Variants in SLC44A5 observed in about 807,000 individuals in gnomAD.
SLC44A5 encodes solute carrier family 44 member 5, also known as choline transporter-like protein 5.
A neutral mutation model predicts 101.8 loss-of-function variants in SLC44A5; 57 were observed. That is an observed-to-expected ratio of 0.56 (90% CI 0.45 to 0.70). SLC44A5 has a LOEUF of 0.70. Ranked by LOEUF, SLC44A5 falls within the 30% of genes least tolerant of loss-of-function variation. The pLI, the probability that SLC44A5 is intolerant of heterozygous loss-of-function variation, is 0.00. For missense variants in SLC44A5, 737 were observed against 853.1 expected, an observed-to-expected ratio of 0.86 and a Z score of 1.70; for synonymous variants, 281 against 290.9, an observed-to-expected ratio of 0.97 and a Z score of 0.35.
chr1:75,385,904 A>G (rs1194188212), intron 3 of SLC44A5, among the ~76,000 whole-genome samples: 1 of 152,162 alleles, frequency 6.6e-6, no homozygotes, highest in African/African-American at 2.4e-5. Context: ...CTGGTTCAAT[A>G]TACGCAAATC....
intron 3 of SLC44A5, among the ~76,000 whole-genome samples, chr1:75,384,077 T>A (rs184116469): frequency 0.09 from 13,501 of 149,822 alleles, 818 homozygotes; most frequent in Admixed American, 0.19. Context: ...GGAAAGGAAC[T>A]ACCGGTACCA....
chr1:75,658,915 A>G, the SLC44A5 span, among the ~76,000 whole-genome samples: 2 of 152,076 alleles, frequency 1.3e-5, no homozygotes, highest in Non-Finnish European at 2.9e-5. Flanking sequence ...AGACTCAAAG[A>G]AATAAAATCA....
chr1:75,627,912 G>T, the SLC44A5 span, among the ~76,000 whole-genome samples: 2 of 147,542 alleles, frequency 1.4e-5, no homozygotes, highest in African/African-American at 5.0e-5. Flanking sequence ...AGTTGAAAGA[G>T]AATTTATAGT....
the SLC44A5 span, among the ~76,000 whole-genome samples, chr1:75,629,221 A>G: frequency 1.3e-5 from 2 of 152,026 alleles, no homozygotes; most frequent in Admixed American, 6.6e-5. Context: ...TTCCCAGAAG[A>G]TAAGAGAGAG....
At chr1:75,477,805 G>A (rs1667528902) in intron 2 of SLC44A5, among the ~76,000 whole-genome samples, 1 of 152,134 alleles carries the variant, frequency 6.6e-6, no homozygotes, top group South Asian at 2.1e-4. Context: ...CGGGGAGAAT[G>A]GAACCAAGTT....
intron 2 of SLC44A5, among the ~76,000 whole-genome samples, chr1:75,489,997 C>G (rs1668349838): frequency 6.6e-6 from 1 of 151,770 alleles, no homozygotes; most frequent in Admixed American, 6.6e-5. Context: ...CACTAAAATT[C>G]ACACTAATTA....
At position 75,549,597 on chromosome 1, in the gene SLC44A5, T is replaced by C. The variant is rs543843504; in HGVS notation, c.-69-8081A>G. 3.9e-5 allele frequency among the ~76,000 whole-genome samples: 6 copies of C among 152,086 alleles called. No homozygotes were observed. The East Asian group carries it at 1.2e-3, about 29-fold the overall frequency. The stretch of plus-strand genomic sequence containing the variant: ...AGGTGCAGATGGTAGGAATGAAAAA[T>C]AGTTATACTTTAATTCCTGACCTTA... On this transcript the variant is annotated intron_variant, in intron 1 of 23. Coordinates refer to ENST00000370859, the MANE Select transcript of SLC44A5 (RefSeq NM_001130058.2).
intron 3 of SLC44A5, among the ~76,000 whole-genome samples, chr1:75,392,871 G>A (rs1661886027): frequency 1.3e-5 from 2 of 152,170 alleles, no homozygotes; most frequent in African/African-American, 2.4e-5. Flanking sequence ...TGTAGGTGGA[G>A]GCCATCATCC....
chr1:75,543,027 A>G (rs1286678237), intron 1 of SLC44A5, among the ~76,000 whole-genome samples: 1 of 152,176 alleles, frequency 6.6e-6, no homozygotes, highest in Non-Finnish European at 1.5e-5. Context: ...AAGTTTGACA[A>G]TTACTGCAAA....
chr1:75,453,178 T>C (rs975408872), intron 2 of SLC44A5, among the ~76,000 whole-genome samples: 5 of 151,992 alleles, frequency 3.3e-5, no homozygotes, highest in African/African-American at 9.7e-5. Context: ...ACTGAACTCA[T>C]ACTTTATCTC....
rs372222819 is a variant in SLC44A5, at chr1:75,217,978, G to A, written c.1530-18C>T. 1.5e-5 allele frequency: 23 copies of A among 1,487,628 alleles called. No homozygotes were observed. The African/African-American group carries it at 2.2e-4, about 14-fold the overall frequency. The allele number at this position is 1,487,628 out of a possible 1,614,324, so 92.2% of individuals were successfully genotyped here. On this transcript the variant is annotated intron_variant, in intron 17 of 23. Transcript: ENST00000370859. ...TGTGATATCTGCACAAAAATAAAAT[G>A]AGAATAAGTTAAAACTTAATACTAT... is the stretch of plus-strand genomic sequence containing the variant.
chr1:75,242,092 A>G, intron 8 of SLC44A5, 31 bp from the exon 9 acceptor site: 3 of 1,575,536 alleles, frequency 1.9e-6, no homozygotes, highest in Non-Finnish European at 2.6e-6. Context: ...TTAACATTTC[A>G]AAGGCCATGT....
rs749452976 is a variant in SLC44A5 at position 75,241,966 on chromosome 1, T to C, written c.532+35A>G. Reference sequence around the variant, plus strand: ...CTTAATTAAGTAGCATTTTGGTAGATCCTATGTTTCTAAGGTAAAATAGTT... The same window carrying C: ...CTTAATTAAGTAGCATTTTGGTAGACCCTATGTTTCTAAGGTAAAATAGTT... On this transcript the variant is annotated intron_variant, in intron 9 of 23. Transcript: ENST00000370859. 5.1e-6 allele frequency: 8 copies of C among 1,561,204 alleles called. No individual in the cohort carries two copies. The Admixed American group carries it at 1.3e-4, about 26-fold the overall frequency.
intron 12 of SLC44A5, among the ~76,000 whole-genome samples, chr1:75,231,326 ATTTCC>A (rs1557552533): frequency 6.6e-6 from 1 of 151,976 alleles, no homozygotes; most frequent in Admixed American, 6.6e-5. Flanking sequence ...TTTGGAGGAG[ATTTCC>A]TTTATTTCCT....
At chr1:75,260,768 C>G (rs1650427876) in intron 6 of SLC44A5, among the ~76,000 whole-genome samples, 2 of 152,002 alleles carry the variant, frequency 1.3e-5, no homozygotes, top group African/African-American at 4.8e-5. Context: ...GACCACATAA[C>G]TGGAAGTAAA....
chr1:75,406,797 A>C (rs545039428), intron 2 of SLC44A5, among the ~76,000 whole-genome samples: 132 of 152,320 alleles, frequency 8.7e-4, no homozygotes, highest in Non-Finnish European at 1.7e-3. Flanking sequence ...GAAAACCAGC[A>C]CAAGACAAGG....
intron 2 of SLC44A5, among the ~76,000 whole-genome samples, chr1:75,412,134 G>T (rs1663320715): frequency 6.6e-6 from 1 of 152,060 alleles, no homozygotes; most frequent in South Asian, 2.1e-4. Flanking sequence ...CAGAGACATA[G>T]TATTATTTTC....
At chr1:75,573,538 C>T (rs1673199213) in intron 1 of SLC44A5, among the ~76,000 whole-genome samples, 1 of 152,082 alleles carries the variant, frequency 6.6e-6, no homozygotes, top group South Asian at 2.1e-4. Flanking sequence ...TATCAATGCA[C>T]AGATAAATGA....
At chr1:75,445,132 A>G (rs574312164) in intron 2 of SLC44A5, among the ~76,000 whole-genome samples, 1 of 152,224 alleles carries the variant, frequency 6.6e-6, no homozygotes, top group Non-Finnish European at 1.5e-5. Flanking sequence ...AGGTGGGCCT[A>G]GTGGGTGATG....
Sources: gnomAD v4.1 joint callset for allele counts (sites outside exome capture counted in the v4.1 genomes callset) on GRCh38, gnomAD v4.1.1 for gene constraint, MANE v1.5 for transcripts, NCBI Gene and HGNC (gene_info 2026-07-23, HGNC 2026-07-21) for gene names.